Variants in SGCB observed in about 807,000 individuals in gnomAD.
SGCB encodes beta-sarcoglycan.
In SGCB, 25 loss-of-function variants were observed where a neutral mutation model predicts 27.3. The ratio of observed to expected loss-of-function variants is 0.92; its 90% confidence interval spans 0.67 to 1.28. SGCB has a LOEUF of 1.28. Among genes scored for constraint, SGCB ranks in the 50% most tolerant of loss-of-function variants. SGCB has a pLI of 0.00. For synonymous variants in SGCB, 147 were observed against 133.5 expected (o/e 1.10, Z -0.70); for missense variants, 436 against 402.1 (o/e 1.08, Z -0.72).
intron 5 of SGCB, among the ~76,000 whole-genome samples, chr4:52,025,172 G>C (rs1737054430): frequency 6.6e-6 from 1 of 152,146 alleles, no homozygotes; most frequent in African/African-American, 2.4e-5. Flanking sequence ...CAAAGCCCAA[G>C]TTCTTATTGA....
intron 1 of SGCB, among the ~76,000 whole-genome samples, chr4:52,037,940 C>T (rs1208000007): frequency 6.6e-6 from 1 of 152,156 alleles, no homozygotes; most frequent in East Asian, 1.9e-4. Context: ...CAGGCTGGCT[C>T]GACCGCCTCC....
chr4:52,032,032 T>G, intron 2 of SGCB: 1 of 450,032 alleles, frequency 2.2e-6, no homozygotes, highest in South Asian at 1.6e-5. Context: ...CCTGTTTCAG[T>G]ATGGAAACCC....
At position 52,020,803 on chromosome 4, in the gene SGCB, G is replaced by A. The variant is rs940947453; in HGVS notation, c.*3154C>T. ...GTTAGCAATGTGAAACACATTTATA[G>A]GCTTATTTTTGTATACCATAATTGG... On this transcript the variant is annotated 3_prime_UTR_variant, in exon 6 of 6. Transcript: ENST00000381431. 4 of 152,500 alleles carry A rather than the reference G, an allele frequency of 2.6e-5. No homozygotes were observed. The highest frequency in any genetic ancestry group is 9.7e-5 in the African/African-American group (4 of 41,418). 9.4% of individuals were successfully genotyped at this position (152,500 alleles called of 1,614,324 possible).
At chr4:52,025,959 T>TG (rs1374501133) in intron 5 of SGCB, among the ~76,000 whole-genome samples, 2 of 152,222 alleles carry the variant, frequency 1.3e-5, no homozygotes, top group African/African-American at 4.8e-5. Context: ...AAATGTGAGA[T>TG]GCCTATCAGA....
At chr4:52,025,532 A>G (rs1737068362) in intron 5 of SGCB, among the ~76,000 whole-genome samples, 2 of 152,230 alleles carry the variant, frequency 1.3e-5, no homozygotes, top group Non-Finnish European at 2.9e-5. Context: ...GGGTGAAGGG[A>G]ACAACCAGTA....
chr4:52,030,224 A>T (rs1403182442), intron 2 of SGCB, among the ~76,000 whole-genome samples: 1 of 152,176 alleles, frequency 6.6e-6, no homozygotes, highest in Non-Finnish European at 1.5e-5. Context: ...CTAAACATAT[A>T]TTTCTAAAAT....
chr4:52,031,390 CTCTGTGTGTGTGTGTATGTG>C (rs752751022), intron 2 of SGCB, among the ~76,000 whole-genome samples: 21 of 106,624 alleles, frequency 2.0e-4, no homozygotes, highest in African/African-American at 6.2e-4. Context: ...ACCCATTCAT[CTCTGTGTGTGTGTGTATGTG>C]TGTGTGTGTG....
intron 1 of SGCB, among the ~76,000 whole-genome samples, chr4:52,037,883 T>C (rs1034802508): frequency 6.6e-6 from 1 of 152,178 alleles, no homozygotes; most frequent in African/African-American, 2.4e-5. Context: ...AAATCTCTGC[T>C]GGCGGCTGAA....
chr4:52,023,673 T>G lies in SGCB; in HGVS notation c.*284A>C, dbSNP rs991037195. On this transcript the variant is annotated 3_prime_UTR_variant, in exon 6 of 6. Transcript: ENST00000381431. ...AGACCTTTAACCTTTAGAAAAGGGA[T>G]AGTGGAATTTTAAAAACACGTCTTT... 1.6e-5 allele frequency: 6 copies of G among 375,642 alleles called. No individual in the cohort carries two copies. Among genetic ancestry groups the G allele is most frequent in the Non-Finnish European group, 3.0e-5 (6 of 201,082 alleles). 23.3% of individuals were successfully genotyped at this position (375,642 alleles called of 1,614,324 possible).
At chr4:52,036,454 G>C (rs1344699705) in intron 1 of SGCB, among the ~76,000 whole-genome samples, 3 of 152,290 alleles carry the variant, frequency 2.0e-5, no homozygotes, top group African/African-American at 7.2e-5. Flanking sequence ...AGGCAAAGGG[G>C]AACTACTGAA....
rs886059431 is a variant in SGCB at position 52,022,822 on chromosome 4, G to C, written c.*1135C>G. ...ATTGTTGGGAAACTGAGGTAACTCA[G>C]AAGTAGGTAAATTTGACCTCTCCAT... On this transcript the variant is annotated 3_prime_UTR_variant, in exon 6 of 6. Transcript: ENST00000381431. The C allele has an allele frequency of 2.6e-5, 4 of 152,186 alleles. No homozygotes were observed. Among genetic ancestry groups the C allele is most frequent in the African/African-American group, 9.6e-5 (4 of 41,458 alleles). The allele number at this position is 152,186 out of a possible 1,614,324, so 9.4% of individuals were successfully genotyped here.
intron 5 of SGCB, among the ~76,000 whole-genome samples, 172 bp downstream of exon 5, chr4:52,027,796 A>G (rs962400432): frequency 1.3e-5 from 2 of 152,206 alleles, no homozygotes; most frequent in Non-Finnish European, 2.9e-5. Flanking sequence ...AAAAATAATG[A>G]ATTTCACAAA....
chr4:52,027,058 A>G (rs1050891882), intron 5 of SGCB, among the ~76,000 whole-genome samples: 4 of 152,336 alleles, frequency 2.6e-5, no homozygotes, highest in African/African-American at 9.6e-5. Flanking sequence ...AACTGCTTAT[A>G]AAAGTAAAAC....
rs192592642 is a variant in SGCB at position 52,022,077 on chromosome 4, G to A, written c.*1880C>T. The A allele has an allele frequency of 2.0e-5, 3 of 152,036 alleles. No individual in the cohort carries two copies. Among genetic ancestry groups the A allele is most frequent in the African/African-American group, 4.8e-5 (2 of 41,474 alleles). The allele number at this position is 152,036 out of a possible 1,614,324, so 9.4% of individuals were successfully genotyped here. A position where few individuals can be genotyped will look rare whatever the true frequency, so the allele number is the denominator to read the frequency against. ...TATGGACCATCTGAATAAAAATTTC[G>A]GCATTTTTTTCTGAATTCAGACATT... is the stretch of plus-strand genomic sequence containing the variant. On this transcript the variant is annotated 3_prime_UTR_variant, in exon 6 of 6. Transcript: ENST00000381431.
chr4:52,032,045 C>T (rs573174596), intron 2 of SGCB: 1 of 439,936 alleles, frequency 2.3e-6, no homozygotes, highest in Admixed American at 2.5e-5. Flanking sequence ...GGAAACCCAA[C>T]CCCTACCCTC....
chr4:52,023,827 T>C lies in SGCB; in HGVS notation c.*130A>G. ...GAGAAGATTTTAACTATGTAGACCA[T>C]AAAACAGATACAGCAGTGCTCTGCC... On this transcript the variant is annotated 3_prime_UTR_variant, in exon 6 of 6. Transcript: ENST00000381431. The C allele has an allele frequency of 1.3e-6, 1 of 741,828 alleles. No homozygotes were observed. Among genetic ancestry groups the C allele is most frequent in the Non-Finnish European group, 2.4e-6 (1 of 421,062 alleles). The allele number at this position is 741,828 out of a possible 1,614,324, so 46.0% of individuals were successfully genotyped here.
intron 4 of SGCB, among the ~76,000 whole-genome samples, chr4:52,028,346 T>A (rs973545823): frequency 1.1e-4 from 16 of 152,222 alleles, no homozygotes; most frequent in Middle Eastern, 3.4e-3. Flanking sequence ...TTTAAAACAG[T>A]ATAACTCTCA....
chr4:52,024,810 T>C (rs1456881024), intron 5 of SGCB, among the ~76,000 whole-genome samples: 1 of 112,608 alleles, frequency 8.9e-6, no homozygotes, highest in Non-Finnish European at 1.7e-5. Flanking sequence ...CCTGGGTGAC[T>C]GAGCGAGACA....
At position 52,022,470 on chromosome 4, in the gene SGCB, C is replaced by T. The variant is rs907167516; in HGVS notation, c.*1487G>A. 6.6e-6 allele frequency: 1 copy of T among 152,084 alleles called. No homozygotes were observed. Among genetic ancestry groups the T allele is most frequent in the African/African-American group, 2.4e-5 (1 of 41,400 alleles). The allele number at this position is 152,084 out of a possible 1,614,324, so 9.4% of individuals were successfully genotyped here. On this transcript the variant is annotated 3_prime_UTR_variant, in exon 6 of 6. Transcript: ENST00000381431. ...TGATTCTGTGTGAGTCTTAATAATA[C>T]CAGAGAGTTCTTTTCCAATCAAATA...
Sources: allele counts gnomAD v4.1 joint callset (sites outside exome capture counted in the v4.1 genomes callset), GRCh38; gene constraint gnomAD v4.1.1; transcripts MANE v1.5; gene names NCBI Gene and HGNC (gene_info 2026-07-23, HGNC 2026-07-21).